The following TDRP variants were observed in gnomAD, a reference collection of about 807,000 sequenced individuals.
The protein encoded by TDRP is testis development-related protein.
Under a neutral mutation model 10.5 loss-of-function variants are expected in TDRP, and 12 were observed. The observed-to-expected ratio is 1.15, with a 90% CI of 0.73 to 1.86. The LOEUF is 1.86. Ranked by LOEUF, TDRP falls within the 40% of genes most tolerant of loss-of-function variation. The pLI is 0.00. For synonymous variants in TDRP, 139 were observed against 95.4 expected (o/e 1.46, Z -2.67); for missense variants, 353 against 229.2 (o/e 1.54, Z -3.49).
chr8:490,519 CAG>C lies in TDRP; in HGVS notation c.*1878_*1879del, dbSNP rs1800939458. The C allele has an allele frequency of 1.3e-5, 2 of 152,198 alleles. No homozygotes were observed. Among genetic ancestry groups the C allele is most frequent in the Admixed American group, 6.5e-5 (1 of 15,274 alleles). The allele number at this position is 152,198 out of a possible 1,614,324, so 9.4% of individuals were successfully genotyped here. A position where few individuals can be genotyped will look rare whatever the true frequency, so the allele number is the denominator to read the frequency against. On this transcript the variant is annotated 3_prime_UTR_variant, in exon 3 of 3. Coordinates refer to ENST00000324079, the MANE Select transcript of TDRP (RefSeq NM_001384899.1). ...CCCATCTCCCCACACACGTGATTTC[CAG>C]AGTTTCAAACACAGTGTTTACATTC... is the stretch of plus-strand genomic sequence containing the variant.
chr8:535,111 GA>G (rs1362234302), intron 1 of TDRP, among the ~76,000 whole-genome samples: 4 of 152,130 alleles, frequency 2.6e-5, no homozygotes, highest in Non-Finnish European at 4.4e-5. Context: ...ACTTCCATCT[GA>G]AAGATTAGAA....
chr8:537,651 C>A (rs749957249), intron 1 of TDRP, among the ~76,000 whole-genome samples: 10 of 152,084 alleles, frequency 6.6e-5, no homozygotes, highest in Non-Finnish European at 1.5e-4. Context: ...TAAGAATTCA[C>A]CGGGGTTTGA....
chr8:532,091 C>T (rs58977787), intron 1 of TDRP, among the ~76,000 whole-genome samples: 1,918 of 152,310 alleles, frequency 0.013, 45 homozygotes, highest in African/African-American at 0.044. Context: ...AATCCAGGTT[C>T]TTGCCTTTAA....
chr8:537,857 G>A (rs765699750), intron 1 of TDRP, among the ~76,000 whole-genome samples: 1 of 152,076 alleles, frequency 6.6e-6, no homozygotes, highest in East Asian at 1.9e-4. Flanking sequence ...AATACAATGG[G>A]TTTTACCTAC....
At chr8:529,574 G>T (rs547455281) in intron 1 of TDRP, among the ~76,000 whole-genome samples, 10 of 76,856 alleles carry the variant, frequency 1.3e-4, no homozygotes, top group Admixed American at 2.8e-4. Flanking sequence ...AACTTCTTTG[G>T]CTTTGGTTAT....
At chr8:509,383 G>A (rs1432484588) in intron 1 of TDRP, among the ~76,000 whole-genome samples, 4 of 152,194 alleles carry the variant, frequency 2.6e-5, no homozygotes, top group African/African-American at 9.6e-5. Context: ...GGACATCCAG[G>A]TGTTTCCATA....
chr8:519,705 G>C (rs1486692027), intron 1 of TDRP, among the ~76,000 whole-genome samples: 1 of 152,140 alleles, frequency 6.6e-6, no homozygotes, highest in Non-Finnish European at 1.5e-5. Flanking sequence ...GACTAAAAGA[G>C]AGTGAAAAAA....
At chr8:506,187 C>T (rs1272123815) in intron 1 of TDRP, among the ~76,000 whole-genome samples, 1 of 152,210 alleles carries the variant, frequency 6.6e-6, no homozygotes, top group Non-Finnish European at 1.5e-5. Flanking sequence ...CAACAAAAAA[C>T]ACACATAGGA....
intron 1 of TDRP, among the ~76,000 whole-genome samples, chr8:535,650 C>A (rs1802325371): frequency 6.6e-6 from 1 of 152,074 alleles, no homozygotes; most frequent in African/African-American, 2.4e-5. Flanking sequence ...CCATTCCTCC[C>A]AACAGGTGAT....
chr8:542,275 A>G (rs1333126794), intron 1 of TDRP, among the ~76,000 whole-genome samples: 1 of 152,092 alleles, frequency 6.6e-6, no homozygotes, highest in Non-Finnish European at 1.5e-5. Flanking sequence ...GAGGGTCTCT[A>G]AGGCAGCAAA....
intron 1 of TDRP, among the ~76,000 whole-genome samples, 178 bp from the exon 2 acceptor site, chr8:494,775 G>A (rs540290181): frequency 6.6e-6 from 1 of 152,200 alleles, no homozygotes; most frequent in African/African-American, 2.4e-5. Context: ...CATCTCAGCT[G>A]TTTTGGTATT....
chr8:529,723 T>C (rs1209665449), intron 1 of TDRP, among the ~76,000 whole-genome samples: 1 of 152,218 alleles, frequency 6.6e-6, no homozygotes, highest in Non-Finnish European at 1.5e-5. Context: ...ATGTTTCTGC[T>C]GACAAATCTG....
At chr8:520,545 T>C (rs1409371343) in intron 1 of TDRP, among the ~76,000 whole-genome samples, 3 of 152,306 alleles carry the variant, frequency 2.0e-5, no homozygotes, top group East Asian at 1.9e-4. Flanking sequence ...AGCTAAATCA[T>C]TGTTACAAGA....
chr8:505,088 C>T (rs548814438), intron 1 of TDRP, among the ~76,000 whole-genome samples: 3 of 152,248 alleles, frequency 2.0e-5, no homozygotes, highest in Non-Finnish European at 4.4e-5. Context: ...TTTTGTATGC[C>T]TGATAAAAAC....
intron 1 of TDRP, among the ~76,000 whole-genome samples, chr8:514,698 GT>G (rs1801708974): frequency 6.6e-6 from 1 of 152,170 alleles, no homozygotes; most frequent in South Asian, 2.1e-4. Context: ...CAGTGCCTCA[GT>G]GGGGATGCAG....
chr8:522,882 T>G (rs936132172), intron 1 of TDRP, among the ~76,000 whole-genome samples: 3 of 152,196 alleles, frequency 2.0e-5, no homozygotes, highest in African/African-American at 7.2e-5. Context: ...GCATGGAATC[T>G]TTTTCCATAT....
At chr8:500,312 T>C (rs749500221) in intron 1 of TDRP, among the ~76,000 whole-genome samples, 7 of 152,222 alleles carry the variant, frequency 4.6e-5, no homozygotes, top group Admixed American at 1.3e-4. Context: ...GGCAGTGTCT[T>C]ATCAAAAATG....
intron 1 of TDRP, among the ~76,000 whole-genome samples, chr8:501,918 C>G: frequency 6.6e-6 from 1 of 152,206 alleles, no homozygotes; most frequent in East Asian, 1.9e-4. Context: ...CCCACCCTCT[C>G]CAAAGCCCAC....
intron 1 of TDRP, among the ~76,000 whole-genome samples, chr8:510,786 T>G (rs1329027698): frequency 6.6e-6 from 1 of 152,162 alleles, no homozygotes; most frequent in Non-Finnish European, 1.5e-5. Context: ...CATATCCACA[T>G]GAGAAAACAA....
Sources: allele counts gnomAD v4.1 joint callset (sites outside exome capture counted in the v4.1 genomes callset), GRCh38; gene constraint gnomAD v4.1.1; transcripts MANE v1.5; gene names NCBI Gene and HGNC (gene_info 2026-07-23, HGNC 2026-07-21).